ATP8B1: variants seen among roughly 807,000 people sequenced by gnomAD.
ATP8B1 encodes ATPase phospholipid transporting 8B1, also known as phospholipid-transporting ATPase IC.
Under a neutral mutation model 149.9 loss-of-function variants are expected in ATP8B1, and 80 were observed. The observed-to-expected ratio is 0.53, with a 90% CI of 0.45 to 0.64. The LOEUF (loss-of-function observed/expected upper bound fraction) is 0.64, where lower values mean the gene tolerates loss of function less well. Ranked by LOEUF, ATP8B1 falls within the 30% of genes least tolerant of loss-of-function variation. ATP8B1 has a pLI of 0.00. For missense variants in ATP8B1, 1,247 were observed against 1,552.6 expected, an observed-to-expected ratio of 0.80 and a Z score of 3.31; for synonymous variants, 536 against 562.8, an observed-to-expected ratio of 0.95 and a Z score of 0.67.
intron 15 of ATP8B1, among the ~76,000 whole-genome samples, chr18:57,675,235 G>C (rs1911523467): frequency 6.6e-6 from 1 of 152,174 alleles, no homozygotes; most frequent in Non-Finnish European, 1.5e-5. Flanking sequence ...AACTAAAAAA[G>C]AAACATTGGT....
intron 1 of ATP8B1, chr18:57,735,419 T>G (rs1417674141): frequency 2.0e-5 from 3 of 153,106 alleles, no homozygotes; most frequent in Non-Finnish European, 4.4e-5. Context: ...ACCCACGACT[T>G]CTAATAGAGC....
In ATP8B1 at chr18:57,731,649, C is replaced by T. The variant is rs771902027; in HGVS notation, c.159G>A (p.Glu53=). 6.2e-7 allele frequency: 1 copy of T among 1,614,084 alleles called. No homozygotes were observed. Among genetic ancestry groups the T allele is most frequent in the Non-Finnish European group, 8.5e-7 (1 of 1,180,014 alleles). The stretch of plus-strand genomic sequence containing the variant: ...TACCTTTTCTGAATGGCTCCCGGTT[C>T]TCCTCTGCTTCCCTGTTGACTCGGT... The part of the protein sequence containing the change: ...EQNRVNREAE[E]NREPFRKECT... Residue 53 remains glutamate, a synonymous_variant, in exon 2 of 28, where the codon GAG becomes GAA. Transcript: ENST00000648908.
chr18:57,712,704 C>T (rs1249911078), intron 2 of ATP8B1, among the ~76,000 whole-genome samples: 1 of 151,820 alleles, frequency 6.6e-6, no homozygotes, highest in Non-Finnish European at 1.5e-5. Flanking sequence ...TCGGCCCCTC[C>T]CCGCCAACCT....
At chr18:57,791,912 C>T (rs981757057) in intron 1 of ATP8B1, among the ~76,000 whole-genome samples, 7 of 152,220 alleles carry the variant, frequency 4.6e-5, no homozygotes, top group African/African-American at 1.7e-4. Context: ...CATAAGCTCC[C>T]TGAGGGGAAG....
rs778804194 is a variant in ATP8B1, at chr18:57,706,501, T to C, written c.268A>G (p.Ser90Gly). ...AGTTAACAACTCACCGCATATTTAC[T>C]CTCCTTAATACACAAGAATTTTGTG... ...MNTKFLCIKE[S>G]KYANNAIKTY... The change falls in exon 3 of 28, where the codon AGT becomes GGT. Residue 90 changes from serine to glycine, a missense_variant. Transcript: ENST00000648908. 3.7e-6 allele frequency: 6 copies of C among 1,613,328 alleles called. No individual in the cohort carries two copies. Among genetic ancestry groups the C allele is most frequent in the Non-Finnish European group, 3.4e-6 (4 of 1,179,460 alleles).
intron 20 of ATP8B1, 125 bp downstream of exon 20, chr18:57,666,967 T>C (rs1189163060): frequency 4.8e-6 from 4 of 841,082 alleles, no homozygotes; most frequent in African/African-American, 3.4e-5. Context: ...CATTTAAACA[T>C]GAGGAAACTG....
intron 1 of ATP8B1, among the ~76,000 whole-genome samples, chr18:57,776,967 A>G (rs539574522): frequency 3.4e-5 from 5 of 147,950 alleles, no homozygotes; most frequent in African/African-American, 1.2e-4. Flanking sequence ...TTCCTTTCCA[A>G]CTGTTTTCTC....
At chr18:57,653,114 T>C (rs1909737279) in intron 24 of ATP8B1, among the ~76,000 whole-genome samples, 1 of 152,210 alleles carries the variant, frequency 6.6e-6, no homozygotes, top group Non-Finnish European at 1.5e-5. Context: ...TTATAAATTA[T>C]TACTTTTTAG....
chr18:57,648,646 G>C lies in ATP8B1; in HGVS notation c.3598C>G (p.Arg1200Gly). Residue 1200 changes from arginine (R) to glycine (G), a missense_variant, in exon 28 of 28, where the codon CGG becomes GGG. Coordinates refer to ENST00000648908, the MANE Select transcript of ATP8B1 (RefSeq NM_001374385.1). ...GCCGAGCGCCGCGTTGACACGCCCC[G>C]GCGGAACACCTGCTGCCGTCGCTGC... ...QWQRRQQVFR[R>G]GVSTRRSAYA... 1 of 1,593,022 alleles carries C rather than the reference G, an allele frequency of 6.3e-7. No individual in the cohort carries two copies. The highest frequency in any genetic ancestry group is 2.3e-5 in the East Asian group (1 of 43,646).
chr18:57,695,076 T>G, intron 10 of ATP8B1, 95 bp downstream of exon 10: 1 of 1,165,084 alleles, frequency 8.6e-7, no homozygotes, highest in South Asian at 1.3e-5. Flanking sequence ...CTATTACTCT[T>G]CTTTTGGTTT....
chr18:57,731,559 G>A, intron 2 of ATP8B1, 68 bp downstream of exon 2: 1 of 1,535,628 alleles, frequency 6.5e-7, no homozygotes, highest in Non-Finnish European at 8.9e-7. Flanking sequence ...GATCATCTTT[G>A]GCACGTGTGG....
chr18:57,711,086 A>T (rs138569067), intron 2 of ATP8B1, among the ~76,000 whole-genome samples: 54 of 152,330 alleles, frequency 3.5e-4, no homozygotes, highest in African/African-American at 1.3e-3. Flanking sequence ...GAGAGCAGAG[A>T]AACAGACACT....
chr18:57,761,080 T>TAA (rs2080149649), intron 1 of ATP8B1, among the ~76,000 whole-genome samples: 1 of 133,454 alleles, frequency 7.5e-6, no homozygotes, highest in African/African-American at 2.8e-5. Context: ...ATAAAATAAA[T>TAA]AAAATAAAAT....
chr18:57,652,296 G>C (rs1190403509), intron 25 of ATP8B1, 124 bp from the exon 26 acceptor site: 6 of 1,457,386 alleles, frequency 4.1e-6, no homozygotes, highest in Non-Finnish European at 5.7e-6. Context: ...TACTGGACCA[G>C]AAACTAAACC....
At chr18:57,755,338 A>G (rs1228385229) in intron 1 of ATP8B1, 3 of 149,342 alleles carry the variant, frequency 2.0e-5, no homozygotes, top group African/African-American at 7.5e-5. Flanking sequence ...ATTATAACAG[A>G]CACTGAATCT....
intron 1 of ATP8B1, among the ~76,000 whole-genome samples, chr18:57,758,511 A>C (rs2123310523): frequency 6.6e-6 from 1 of 151,852 alleles, no homozygotes; most frequent in South Asian, 2.1e-4. Flanking sequence ...AGCCAGGCAC[A>C]GTGGTGCATG....
intron 4 of ATP8B1, among the ~76,000 whole-genome samples, chr18:57,701,568 C>T (rs1036855969): frequency 6.6e-6 from 1 of 152,192 alleles, no homozygotes; most frequent in Non-Finnish European, 1.5e-5. Context: ...GCAAACTTAA[C>T]TGGACACCAA....
chr18:57,674,046 G>C (rs1211606928), intron 16 of ATP8B1, among the ~76,000 whole-genome samples: 1 of 151,988 alleles, frequency 6.6e-6, no homozygotes. Flanking sequence ...ATGTCTACCT[G>C]CTGCTTCAGA....
intron 4 of ATP8B1, among the ~76,000 whole-genome samples, chr18:57,702,741 C>G (rs750036231): frequency 6.6e-6 from 1 of 151,968 alleles, no homozygotes; most frequent in Non-Finnish European, 1.5e-5. Flanking sequence ...CCTGTAATCC[C>G]AGCTACTCAG....
Sources: gnomAD v4.1 joint callset for allele counts (sites outside exome capture counted in the v4.1 genomes callset) on GRCh38, gnomAD v4.1.1 for gene constraint, MANE v1.5 for transcripts, NCBI Gene and HGNC (gene_info 2026-07-23, HGNC 2026-07-21) for gene names.